The following NOX5 variants were observed in gnomAD, a reference collection of about 807,000 sequenced individuals.
NOX5 encodes NADPH oxidase, EF-hand calcium binding domain 5.
NOX5 carries 76 observed loss-of-function variants against 85.7 expected under a neutral mutation model. That is an observed-to-expected ratio of 0.89 (90% CI 0.74 to 1.07). NOX5 has a LOEUF of 1.07. NOX5 is among the 50% of genes least tolerant of loss of function. The pLI, the probability that NOX5 is intolerant of heterozygous loss-of-function variation, is 0.00. For synonymous variants in NOX5, 405 were observed against 401.4 expected (o/e 1.01, Z -0.11); for missense variants, 973 against 999.5 (o/e 0.97, Z 0.36).
chr15:69,049,181 G>A, intron 14 of NOX5, 123 bp downstream of exon 14: 2 of 476,960 alleles, frequency 4.2e-6, no homozygotes, highest in Non-Finnish European at 3.5e-6. Context: ...CCATTAAAGT[G>A]AACCCAGAGT....
rs1242756507 is a variant in NOX5 at position 69,048,968 on chromosome 15, A to T, written c.1909A>T (p.Ile637Phe). 6.2e-7 allele frequency: 1 copy of T among 1,611,834 alleles called. No individual in the cohort carries two copies. Among genetic ancestry groups the T allele is most frequent in the East Asian group, 2.2e-5 (1 of 44,850 alleles). The part of the protein sequence containing the change: ...DNMKLHKVDF[I>F]WINRDQRSFE... ...GGGCCTCTCTCCGTAGGTGGACTTT[A>T]TCTGGATCAACAGAGACCAGCGGTC... The change falls in exon 14 of 16, where the codon ATC (isoleucine) becomes TTC (phenylalanine). Residue 637 changes from isoleucine (I) to phenylalanine (F), a missense_variant. Ile to Phe is a conservative substitution (Grantham distance 21). Coordinates refer to ENST00000388866, the MANE Select transcript of NOX5 (RefSeq NM_024505.4).
chr15:69,041,284 G>T (rs1225585261), intron 9 of NOX5, among the ~76,000 whole-genome samples: 1 of 152,144 alleles, frequency 6.6e-6, no homozygotes, highest in African/African-American at 2.4e-5. Flanking sequence ...GAGGTGGATG[G>T]AGCTAGGATC....
In NOX5 at chr15:69,035,851, C is replaced by T. The variant is rs2050508645; in HGVS notation, c.1103C>T (p.Ser368Phe). ...PGIGWVHGSA[S>F]PTGVALLLLL... is the part of the protein sequence containing the mutation. ...ATTGGCTGGGTACACGGTTCGGCCTCCCCGACAGGTGTCGCTCTGCTGCTG... is the reference window on the plus strand; with the variant it reads ...ATTGGCTGGGTACACGGTTCGGCCTTCCCGACAGGTGTCGCTCTGCTGCTG... Residue 368 changes from serine to phenylalanine, a missense_variant, in exon 7 of 16, where the codon TCC becomes TTC. By Grantham distance (155) the Ser-to-Phe change is radical. Transcript: ENST00000388866. 1.2e-6 allele frequency: 2 copies of T among 1,614,000 alleles called. No homozygotes were observed. The highest frequency in any genetic ancestry group is 1.7e-6 in the Non-Finnish European group (2 of 1,179,980).
intron 14 of NOX5, among the ~76,000 whole-genome samples, chr15:69,054,201 T>G (rs977590538): frequency 6.6e-6 from 1 of 152,116 alleles, no homozygotes; most frequent in African/African-American, 2.4e-5. Flanking sequence ...TTTCTCACCA[T>G]GGCATACATA....
intron 13 of NOX5, 50 bp from the exon 14 acceptor site, chr15:69,048,909 C>T (rs1219260960): frequency 4.2e-6 from 6 of 1,420,894 alleles, no homozygotes; most frequent in Non-Finnish European, 5.9e-6. Context: ...TGTGAGCCTC[C>T]TGCAAATCAG....
rs139590489 is a variant in NOX5, at chr15:69,057,094, C to T, written c.*398C>T. On this transcript the variant is annotated 3_prime_UTR_variant, in exon 16 of 16. Transcript: ENST00000388866. ...ACAGTCATTTGGAAGCTTATTTCTC[C>T]GGCATCTTATAAAATTGTTCAAACC... 125 of 170,920 alleles carry T rather than the reference C, an allele frequency of 7.3e-4. No individual in the cohort carries two copies. The highest frequency in any genetic ancestry group is 1.2e-3 in the Non-Finnish European group (96 of 78,128). The allele number at this position is 170,920 out of a possible 1,614,324, so 10.6% of individuals were successfully genotyped here.
In NOX5 at chr15:69,042,593, G is replaced by A. The variant is rs998053604; in HGVS notation, c.1505-70G>A. On this transcript the variant is annotated intron_variant, in intron 9 of 15. Transcript: ENST00000388866. ...GAGGCCCAGCAGCAATCCCTCCAGT[G>A]GGGTGAGGCTTGCTCCCTGGTGCCG... 11 of 1,518,780 alleles carry A rather than the reference G, an allele frequency of 7.2e-6. No individual in the cohort carries two copies. In the African/African-American group the frequency reaches 1.2e-4, roughly 17 times the overall value. The allele number at this position is 1,518,780 out of a possible 1,614,324, so 94.1% of individuals were successfully genotyped here. A position where few individuals can be genotyped will look rare whatever the true frequency, so the allele number is the denominator to read the frequency against.
chr15:69,037,425 A>T (rs2050536227), intron 8 of NOX5: 1 of 555,164 alleles, frequency 1.8e-6, no homozygotes, highest in African/African-American at 1.9e-5. Flanking sequence ...CAGGCAATAA[A>T]CCTCTAAAAT....
rs2050864175 is a variant in NOX5 at position 69,060,805 on chromosome 15, G to T, written c.*4109G>T. The T allele has an allele frequency of 6.6e-6, 1 of 152,182 alleles. No individual in the cohort carries two copies. Among genetic ancestry groups the T allele is most frequent in the Non-Finnish European group, 1.5e-5 (1 of 68,038 alleles). 9.4% of individuals were successfully genotyped at this position (152,182 alleles called of 1,614,324 possible). Reference sequence around the variant, plus strand: ...GGGGATAAATAGATAAAAATACACGGAAAGACAGTTAGAAGCCAGCCTTAA... The same window carrying T: ...GGGGATAAATAGATAAAAATACACGTAAAGACAGTTAGAAGCCAGCCTTAA... On this transcript the variant is annotated 3_prime_UTR_variant, in exon 16 of 16. Coordinates refer to ENST00000388866, the MANE Select transcript of NOX5 (RefSeq NM_024505.4).
chr15:69,058,090 A>C lies in NOX5; in HGVS notation c.*1394A>C, dbSNP rs1206223892. 6.6e-6 allele frequency: 1 copy of C among 152,570 alleles called. No individual in the cohort carries two copies. The highest frequency in any genetic ancestry group is 1.5e-5 in the Non-Finnish European group (1 of 68,348). The allele number at this position is 152,570 out of a possible 1,614,324, so 9.5% of individuals were successfully genotyped here. A position where few individuals can be genotyped will look rare whatever the true frequency, so the allele number is the denominator to read the frequency against. ...CCTCCACCTTGCAGTCAGTCCTGAT[A>C]GGTTCTCTTCTTGACAGTGTAAAGC... On this transcript the variant is annotated 3_prime_UTR_variant, in exon 16 of 16. Coordinates refer to ENST00000388866, the MANE Select transcript of NOX5 (RefSeq NM_024505.4).
At position 69,014,725 on chromosome 15, in the gene NOX5, G is replaced by C; in HGVS notation, c.-11G>C. ...TCTTTCTGGGACCTGTGATCTAGAA[G>C]ACAGGAGAAGATGAACACATCTGGA... On this transcript the variant is annotated 5_prime_UTR_variant, in exon 1 of 16. Coordinates refer to ENST00000388866, the MANE Select transcript of NOX5 (RefSeq NM_024505.4). 1.3e-6 allele frequency: 2 copies of C among 1,550,608 alleles called. No individual in the cohort carries two copies. Among genetic ancestry groups the C allele is most frequent in the Non-Finnish European group, 1.7e-6 (2 of 1,146,972 alleles).
At chr15:69,021,406 C>T (rs1385730449) in intron 1 of NOX5, among the ~76,000 whole-genome samples, 1 of 151,548 alleles carries the variant, frequency 6.6e-6, no homozygotes, top group East Asian at 1.9e-4. Flanking sequence ...CAACCTCTGC[C>T]TCCTGGGTTC....
Position 69,051,337 on chromosome 15 carries a change from T to G in NOX5, c.1999+2279T>G, listed in dbSNP as rs149623714. ...TTGTTTCATGTGTTTTGTCCATTTT[T>G]CTGGTTGTTTCAGGTGGAAGGGTAA... is the stretch of plus-strand genomic sequence containing the variant. On this transcript the variant is annotated intron_variant, in intron 14 of 15. Coordinates refer to ENST00000388866, the MANE Select transcript of NOX5 (RefSeq NM_024505.4). Among the ~76,000 whole-genome samples the G allele has an allele frequency of 2.4e-3, 364 of 152,334 alleles. 3 individuals carry two copies. The highest frequency in any genetic ancestry group is 4.4e-3 in the Non-Finnish European group (299 of 68,022).
intron 15 of NOX5, among the ~76,000 whole-genome samples, chr15:69,055,752 C>T (rs968133861): frequency 7.2e-5 from 11 of 152,224 alleles, no homozygotes; most frequent in Non-Finnish European, 7.3e-5. Context: ...TCAAAGACCC[C>T]TGCAGCCTTG....
chr15:69,023,155 A>G (rs75045966), intron 1 of NOX5: 4,212 of 347,274 alleles, frequency 0.012, 46 homozygotes, highest in East Asian at 0.043. Context: ...GAGAGGAAGA[A>G]GACTGAAGCC....
chr15:69,039,924 G>A (rs987431395), intron 9 of NOX5, among the ~76,000 whole-genome samples: 19 of 152,234 alleles, frequency 1.2e-4, no homozygotes, highest in African/African-American at 4.1e-4. Flanking sequence ...GACAAGTGTG[G>A]CTTGCACTGA....
At chr15:69,052,078 C>A (rs534970070) in intron 14 of NOX5, among the ~76,000 whole-genome samples, 1 of 152,142 alleles carries the variant, frequency 6.6e-6, no homozygotes, top group Non-Finnish European at 1.5e-5. Context: ...ACTAGCTAGG[C>A]ATGGTGGTAT....
At chr15:69,014,821 G>T in intron 1 of NOX5, 36 bp downstream of exon 1, 1 of 1,435,478 alleles carries the variant, frequency 7.0e-7, no homozygotes. Flanking sequence ...CCATGCCAGG[G>T]ACAAGGGAAA....
Position 69,046,897 on chromosome 15 carries a change from T to C in NOX5, c.1692+31T>C, listed in dbSNP as rs761631683. The C allele has an allele frequency of 3.7e-6, 6 of 1,610,890 alleles. No homozygotes were observed. The South Asian group carries it at 6.6e-5, about 18-fold the overall frequency. ...AGGCTGCAGGGGTGGACGTGAGCAA[T>C]AATGCCTGCCCCAACCAAAGGAAAT... On this transcript the variant is annotated intron_variant, in intron 11 of 15. Coordinates refer to ENST00000388866, the MANE Select transcript of NOX5 (RefSeq NM_024505.4).
Sources: gnomAD v4.1 joint callset for allele counts (sites outside exome capture counted in the v4.1 genomes callset) on GRCh38, gnomAD v4.1.1 for gene constraint, MANE v1.5 for transcripts, NCBI Gene and HGNC (gene_info 2026-07-23, HGNC 2026-07-21) for gene names.